Variants in RBMS3 observed in about 807,000 individuals in gnomAD.
RBMS3 encodes RNA-binding motif, single-stranded-interacting protein 3.
Under a neutral mutation model 66.8 loss-of-function variants are expected in RBMS3, and 27 were observed. That is an observed-to-expected ratio of 0.40 (90% CI 0.30 to 0.56). The LOEUF is 0.56. Among genes scored for constraint, RBMS3 ranks in the 20% least tolerant of loss-of-function variants. The pLI is 0.40. For missense variants in RBMS3, 513 were observed against 549.5 expected (o/e 0.93, Z 0.66); for synonymous variants, 188 against 183.0 (o/e 1.03, Z -0.22).
intron 1 of RBMS3, among the ~76,000 whole-genome samples, chr3:29,319,250 T>C (rs1352063546): frequency 6.6e-6 from 1 of 151,986 alleles, no homozygotes; most frequent in Admixed American, 6.6e-5. Context: ...ACCACAAAGC[T>C]CTTCCCTTGC....
At chr3:29,801,429 A>G (rs9879772) in intron 6 of RBMS3, among the ~76,000 whole-genome samples, 65,862 of 151,354 alleles carry the variant, frequency 0.44, 14,555 homozygotes, top group Non-Finnish European at 0.46. Flanking sequence ...CACCACACCT[A>G]ACTAATTTTT....
intron 12 of RBMS3, among the ~76,000 whole-genome samples, chr3:29,968,362 TTTCTCTCCCCA>T (rs1696993170): frequency 6.6e-6 from 1 of 151,976 alleles, no homozygotes; most frequent in African/African-American, 2.4e-5. Context: ...TGGCCGGGGG[TTTCTCTCCCCA>T]TTCAAATTGT....
chr3:29,348,193 G>C (rs1177483908), intron 1 of RBMS3, among the ~76,000 whole-genome samples: 4 of 152,078 alleles, frequency 2.6e-5, no homozygotes, highest in Admixed American at 2.6e-4. Flanking sequence ...AATAAAGTTG[G>C]AAATTTATTT....
chr3:29,961,881 T>C (rs974601367), intron 12 of RBMS3, among the ~76,000 whole-genome samples: 1 of 151,008 alleles, frequency 6.6e-6, no homozygotes, highest in African/African-American at 2.4e-5. Flanking sequence ...CAGGAGGGAG[T>C]TAAACTGACA....
chr3:29,447,197 G>T (rs1423263018), intron 2 of RBMS3, among the ~76,000 whole-genome samples: 1 of 152,156 alleles, frequency 6.6e-6, no homozygotes, highest in African/African-American at 2.4e-5. Flanking sequence ...ACAGTTGTGA[G>T]CCGCTGCACC....
At chr3:29,757,680 T>G (rs543888301) in intron 5 of RBMS3, among the ~76,000 whole-genome samples, 5 of 152,352 alleles carry the variant, frequency 3.3e-5, no homozygotes, top group Non-Finnish European at 4.4e-5. Flanking sequence ...TTTAAAAGCT[T>G]CTTATTTTGC....
chr3:29,997,004 A>AATTG (rs1699287967), intron 14 of RBMS3, among the ~76,000 whole-genome samples: 1 of 152,020 alleles, frequency 6.6e-6, no homozygotes, highest in Non-Finnish European at 1.5e-5. Flanking sequence ...AGATCAAAAA[A>AATTG]ATTGATAGAC....
At chr3:29,861,905 T>C (rs1037991239) in intron 6 of RBMS3, among the ~76,000 whole-genome samples, 9 of 152,214 alleles carry the variant, frequency 5.9e-5, no homozygotes, top group Admixed American at 5.9e-4. Flanking sequence ...TAGACCATAA[T>C]GTCTTCTAGC....
chr3:29,482,697 C>CTTT (rs1216159878), intron 2 of RBMS3, among the ~76,000 whole-genome samples: 45 of 92,908 alleles, frequency 4.8e-4, no homozygotes, highest in Non-Finnish European at 5.6e-4. Flanking sequence ...TTCTTTCTTT[C>CTTT]TTTCTTTTTT....
intron 1 of RBMS3, among the ~76,000 whole-genome samples, chr3:29,395,943 GA>G (rs1429615906): frequency 2.0e-5 from 3 of 152,174 alleles, no homozygotes; most frequent in African/African-American, 7.2e-5. Flanking sequence ...CAAATCTAGG[GA>G]AGAGAGTTTG....
intron 10 of RBMS3, among the ~76,000 whole-genome samples, chr3:29,933,172 A>G (rs2149683594): frequency 6.6e-6 from 1 of 152,304 alleles, no homozygotes; most frequent in African/African-American, 2.4e-5. Flanking sequence ...TGTGTTGGCA[A>G]CATCTGTCAC....
At chr3:29,945,048 A>C (rs1254613775) in intron 12 of RBMS3, among the ~76,000 whole-genome samples, 2 of 151,774 alleles carry the variant, frequency 1.3e-5, no homozygotes, top group Non-Finnish European at 3.0e-5. Context: ...AAATGGGCAC[A>C]ATTTTTTATT....
intron 4 of RBMS3, among the ~76,000 whole-genome samples, chr3:29,622,524 C>G (rs2048902701): frequency 6.6e-6 from 1 of 152,114 alleles, no homozygotes; most frequent in Non-Finnish European, 1.5e-5. Context: ...GAGAATTATT[C>G]AGTAAAATAA....
intron 3 of RBMS3, among the ~76,000 whole-genome samples, chr3:29,489,030 G>A (rs1178296706): frequency 6.6e-6 from 1 of 152,098 alleles, no homozygotes; most frequent in African/African-American, 2.4e-5. Context: ...GAAGTCATTG[G>A]ACTATATCTG....
chr3:29,403,993 C>G (rs889231327), intron 1 of RBMS3, among the ~76,000 whole-genome samples: 4 of 152,030 alleles, frequency 2.6e-5, no homozygotes, highest in Non-Finnish European at 5.9e-5. Flanking sequence ...GTGGTATCAT[C>G]ATAGATTGGA....
chr3:29,575,803 G>A (rs1304832057), intron 3 of RBMS3, among the ~76,000 whole-genome samples: 3 of 151,832 alleles, frequency 2.0e-5, no homozygotes, highest in African/African-American at 7.3e-5. Flanking sequence ...GCATTCTTCA[G>A]TATGTCATTT....
chr3:29,432,810 G>A (rs1191535402), intron 1 of RBMS3, among the ~76,000 whole-genome samples: 2 of 152,220 alleles, frequency 1.3e-5, no homozygotes, highest in East Asian at 3.9e-4. Flanking sequence ...GCCGAGTAGA[G>A]TGGGGCTGAG....
chr3:29,352,627 C>T (rs2036982171), intron 1 of RBMS3, among the ~76,000 whole-genome samples: 1 of 151,996 alleles, frequency 6.6e-6, no homozygotes, highest in Non-Finnish European at 1.5e-5. Flanking sequence ...TTGAAATATA[C>T]AATACATTGT....
intron 1 of RBMS3, among the ~76,000 whole-genome samples, chr3:29,409,250 G>A (rs1038578358): frequency 2.0e-5 from 3 of 152,078 alleles, no homozygotes; most frequent in Non-Finnish European, 2.9e-5. Context: ...TGCTCCACGT[G>A]GTACCAATTG....
Sources: allele counts gnomAD v4.1 joint callset (sites outside exome capture counted in the v4.1 genomes callset), GRCh38; gene constraint gnomAD v4.1.1; transcripts MANE v1.5; gene names NCBI Gene and HGNC (gene_info 2026-07-23, HGNC 2026-07-21).